The following ANKIB1 variants were observed in gnomAD, a reference collection of about 807,000 sequenced individuals.
ANKIB1 encodes the protein ankyrin repeat and IBR domain-containing protein 1.
A neutral mutation model predicts 122.1 loss-of-function variants in ANKIB1; 43 were observed. That is an observed-to-expected ratio of 0.35 (90% CI 0.28 to 0.45). The LOEUF (loss-of-function observed/expected upper bound fraction) is 0.45. ANKIB1 is among the 20% of genes least tolerant of loss of function. ANKIB1 has a pLI of 1.00. For missense variants in ANKIB1, 992 were observed against 1,329.5 expected, an observed-to-expected ratio of 0.75 and a Z score of 3.95; for synonymous variants, 390 against 442.0, an observed-to-expected ratio of 0.88 and a Z score of 1.48.
chr7:92,310,216 T>G (rs535653968), intron 3 of ANKIB1, among the ~76,000 whole-genome samples: 19 of 152,094 alleles, frequency 1.2e-4, no homozygotes, highest in Admixed American at 9.8e-4. Context: ...GCTTTAACTG[T>G]TTGACCTATC....
intron 1 of ANKIB1, among the ~76,000 whole-genome samples, chr7:92,292,098 G>T (rs1425104256): frequency 6.6e-6 from 1 of 152,136 alleles, no homozygotes; most frequent in African/African-American, 2.4e-5. Flanking sequence ...TCAAACAGAG[G>T]GAACAGTCAC....
At chr7:92,318,862 A>G (rs1403772522) in intron 3 of ANKIB1, among the ~76,000 whole-genome samples, 2 of 152,228 alleles carry the variant, frequency 1.3e-5, no homozygotes, top group African/African-American at 2.4e-5. Flanking sequence ...ATTTCATTTC[A>G]GTGTTTCACT....
At position 92,345,097 on chromosome 7, in the gene ANKIB1, C is replaced by T. The variant is rs758421029; in HGVS notation, c.1085+31C>T. ...TATATGAGCACCTTAGCATCTCTTA[C>T]TGCATGATAGCACTCTGATTTGTTA... On this transcript the variant is annotated intron_variant, in intron 7 of 19. Transcript: ENST00000265742. 4.9e-6 allele frequency: 7 copies of T among 1,430,894 alleles called. No homozygotes were observed. In the East Asian group the frequency reaches 1.2e-4, roughly 24 times the overall value. 88.6% of individuals were successfully genotyped at this position (1,430,894 alleles called of 1,614,324 possible). A position where few individuals can be genotyped will look rare whatever the true frequency, so the allele number is the denominator to read the frequency against.
chr7:92,288,249 A>G (rs529271975), intron 1 of ANKIB1, among the ~76,000 whole-genome samples: 1 of 152,216 alleles, frequency 6.6e-6, no homozygotes, highest in Admixed American at 6.5e-5. Context: ...AGCACCATTC[A>G]TAATAGCATC....
intron 16 of ANKIB1, 107 bp from the exon 17 acceptor site, chr7:92,392,134 A>ACT: frequency 1.2e-6 from 1 of 800,602 alleles, no homozygotes; most frequent in Non-Finnish European, 1.9e-6. Flanking sequence ...TTAGTTAAGC[A>ACT]AGTTCCAACA....
chr7:92,305,740 T>C (rs1027759853), intron 2 of ANKIB1, among the ~76,000 whole-genome samples: 1 of 152,112 alleles, frequency 6.6e-6, no homozygotes, highest in African/African-American at 2.4e-5. Context: ...TACATGGAGC[T>C]GTAGAGAAAA....
intron 15 of ANKIB1, 131 bp downstream of exon 15, chr7:92,390,247 G>T: frequency 1.3e-6 from 1 of 756,928 alleles, no homozygotes. Flanking sequence ...TTTTTTAAAT[G>T]GTTTTTAAAT....
intron 1 of ANKIB1, among the ~76,000 whole-genome samples, chr7:92,269,662 T>TA (rs1164351693): frequency 6.6e-5 from 10 of 152,204 alleles, no homozygotes. Flanking sequence ...GATTCATTGA[T>TA]ACCTTCCAAG....
chr7:92,249,535 A>G (rs1018830179), intron 1 of ANKIB1, among the ~76,000 whole-genome samples: 4 of 152,234 alleles, frequency 2.6e-5, no homozygotes, highest in African/African-American at 9.6e-5. Context: ...CCTGGCCAAC[A>G]TGGTGAAACT....
chr7:92,344,994 G>T lies in ANKIB1; in HGVS notation c.1013G>T (p.Cys338Phe). Residue 338 changes from cysteine to phenylalanine, a missense_variant, in exon 7 of 20, where the codon TGC becomes TTC. Physicochemically the swap from Cys to Phe is radical, Grantham distance 205. Around this residue, in one of 4 missense-constraint regions of ANKIB1, gnomAD observed 521 missense variants for 777.7 expected, o/e 0.67. Coordinates refer to ENST00000265742, the MANE Select transcript of ANKIB1 (RefSeq NM_019004.2). ...CATCTCCAGTGTGACATTTGTATGTGCAGTATCTCTGTATTTGAAGACCCT... is the reference window on the plus strand; with the variant it reads ...CATCTCCAGTGTGACATTTGTATGTTCAGTATCTCTGTATTTGAAGACCCT... The part of the protein sequence containing the change: ...LDTSLCDICM[C>F]SISVFEDPVD... The T allele has an allele frequency of 6.2e-7, 1 of 1,611,930 alleles. No homozygotes were observed. Among genetic ancestry groups the T allele is most frequent in the South Asian group, 1.1e-5 (1 of 90,944 alleles).
At chr7:92,270,090 C>G (rs1403806017) in intron 1 of ANKIB1, among the ~76,000 whole-genome samples, 2 of 151,892 alleles carry the variant, frequency 1.3e-5, no homozygotes, top group Non-Finnish European at 1.5e-5. Flanking sequence ...GAGATAGGGT[C>G]TCACTGTTGT....
chr7:92,375,170 A>G (rs1804353565), intron 11 of ANKIB1, among the ~76,000 whole-genome samples: 1 of 152,224 alleles, frequency 6.6e-6, no homozygotes, highest in Non-Finnish European at 1.5e-5. Flanking sequence ...AGTGAGTCAT[A>G]GTCTATTTGC....
chr7:92,334,847 T>A (rs886125858), intron 5 of ANKIB1, among the ~76,000 whole-genome samples: 8 of 152,024 alleles, frequency 5.3e-5, no homozygotes, highest in Non-Finnish European at 7.4e-5. Flanking sequence ...GTTTGCACCA[T>A]TTTTTTCTTT....
In ANKIB1 at chr7:92,397,878, C is replaced by G. The variant is rs373784950; in HGVS notation, c.2532+19C>G. 2 of 1,595,718 alleles carry G rather than the reference C, an allele frequency of 1.3e-6. No individual in the cohort carries two copies. The highest frequency in any genetic ancestry group is 1.7e-6 in the Non-Finnish European group (2 of 1,175,878). ...TCTTCAGGTAGCCTTTCTGAACAGC[C>G]TCATTGCCTGTGCTTTTACTCTTTC... On this transcript the variant is annotated intron_variant, in intron 19 of 19. Coordinates refer to ENST00000265742, the MANE Select transcript of ANKIB1 (RefSeq NM_019004.2).
chr7:92,303,083 G>A (rs1174805581), intron 2 of ANKIB1, among the ~76,000 whole-genome samples: 1 of 152,108 alleles, frequency 6.6e-6, no homozygotes, highest in African/African-American at 2.4e-5. Flanking sequence ...CAAGAGAAAG[G>A]CCTATAAGAT....
chr7:92,260,206 A>C (rs1418749324), intron 1 of ANKIB1, among the ~76,000 whole-genome samples: 1 of 152,030 alleles, frequency 6.6e-6, no homozygotes, highest in Non-Finnish European at 1.5e-5. Flanking sequence ...TATTCTCTTG[A>C]GTTCATATCC....
intron 2 of ANKIB1, among the ~76,000 whole-genome samples, chr7:92,298,742 A>T (rs2131924293): frequency 7.0e-6 from 1 of 142,226 alleles, no homozygotes; most frequent in East Asian, 2.2e-4. Context: ...TAATCATTGT[A>T]TTCATCACTG....
intron 15 of ANKIB1, among the ~76,000 whole-genome samples, chr7:92,390,942 C>CT (rs950621676): frequency 6.6e-6 from 1 of 152,078 alleles, no homozygotes; most frequent in Non-Finnish European, 1.5e-5. Flanking sequence ...CAAATGAGCG[C>CT]TTTTTTAAAA....
intron 1 of ANKIB1, among the ~76,000 whole-genome samples, chr7:92,268,839 C>T (rs968824282): frequency 7.9e-5 from 12 of 152,260 alleles, no homozygotes; most frequent in Admixed American, 3.9e-4. Flanking sequence ...TATTTCCTTT[C>T]GGCTTGCATC....
Sources: allele counts gnomAD v4.1 joint callset (sites outside exome capture counted in the v4.1 genomes callset), GRCh38; gene constraint gnomAD v4.1.1; regional missense constraint gnomAD v4.1.1; transcripts MANE v1.5; gene names NCBI Gene and HGNC (gene_info 2026-07-23, HGNC 2026-07-21).